Variants in ARFGEF1 observed in about 807,000 individuals in gnomAD.
The protein encoded by ARFGEF1 is brefeldin A-inhibited guanine nucleotide-exchange protein 1.
In ARFGEF1, 42 loss-of-function variants were observed where a neutral mutation model predicts 231.0. That is an observed-to-expected ratio of 0.18 (90% CI 0.14 to 0.24). The LOEUF (loss-of-function observed/expected upper bound fraction) is 0.24. Among genes scored for constraint, ARFGEF1 ranks in the 10% least tolerant of loss-of-function variants. The probability of loss-of-function intolerance (pLI) is 1.00; values close to 1 mark genes in which losing one functional copy is unlikely to be tolerated. For missense variants in ARFGEF1, 1,345 were observed against 2,192.0 expected (o/e 0.61, Z 7.72); for synonymous variants, 710 against 732.3 (o/e 0.97, Z 0.49).
At chr8:67,290,309 A>G (rs1483767124) in intron 6 of ARFGEF1, among the ~76,000 whole-genome samples, 1 of 150,622 alleles carries the variant, frequency 6.6e-6, no homozygotes, top group Non-Finnish European at 1.5e-5. Context: ...AAAATTTCCT[A>G]CCCCTAAGGT....
At chr8:67,292,530 T>G (rs900654263) in intron 5 of ARFGEF1, among the ~76,000 whole-genome samples, 1 of 152,124 alleles carries the variant, frequency 6.6e-6, no homozygotes, top group Non-Finnish European at 1.5e-5. Flanking sequence ...AACTTTTCAG[T>G]GTTTATCCTT....
chr8:67,307,022 A>G (rs11996976), intron 1 of ARFGEF1, among the ~76,000 whole-genome samples: 3,694 of 152,252 alleles, frequency 0.024, 132 homozygotes, highest in African/African-American at 0.083. Context: ...CAGGTGATCC[A>G]CCTGCCCTGG....
At chr8:67,311,430 C>T (rs1807047882) in intron 1 of ARFGEF1, among the ~76,000 whole-genome samples, 1 of 139,516 alleles carries the variant, frequency 7.2e-6, no homozygotes, top group Non-Finnish European at 1.6e-5. Flanking sequence ...GGTCAGCCCC[C>T]CGCCCGGCCA....
chr8:67,175,525 G>A (rs1291932568), exon 6 of ARFGEF1: 2 of 1,484,420 alleles, frequency 1.3e-6, no homozygotes, highest in South Asian at 1.2e-5. Context: ...TTCATTCCCA[G>A]GCATCCTCCT....
At position 67,261,607 on chromosome 8, in the gene ARFGEF1, G is replaced by A. The variant is rs61580243; in HGVS notation, c.2124-1681C>T. Among the ~76,000 whole-genome samples the A allele has an allele frequency of 6.4e-3, 969 of 152,292 alleles. 16 individuals are homozygous for A. Among genetic ancestry groups the A allele is most frequent in the African/African-American group, 0.022 (930 of 41,562 alleles). ...CCTTAGAGCTCTGATGGAGATGTGC[G>A]ATGAGATTAGTGTTGTTTTCATGCC... is the stretch of plus-strand genomic sequence containing the variant. On this transcript the variant is annotated intron_variant, in intron 14 of 38. Transcript: ENST00000262215.
intron 19 of ARFGEF1, among the ~76,000 whole-genome samples, chr8:67,244,950 A>G (rs1227592249): frequency 1.3e-5 from 2 of 150,492 alleles, no homozygotes; most frequent in African/African-American, 5.0e-5. Flanking sequence ...CACAAAGGTC[A>G]AAGATAAAGG....
intron 1 of ARFGEF1, among the ~76,000 whole-genome samples, chr8:67,321,138 T>C (rs1807569254): frequency 7.6e-6 from 1 of 130,752 alleles, no homozygotes; most frequent in African/African-American, 3.0e-5. Context: ...GTTAGGTATG[T>C]GAGAAATGGT....
chr8:67,190,476 A>G (rs879548123), intron 5 of ARFGEF1, among the ~76,000 whole-genome samples: 5 of 152,154 alleles, frequency 3.3e-5, no homozygotes, highest in Admixed American at 1.3e-4. Context: ...TAAAGTGATG[A>G]TTGTACAACT....
At position 67,228,084 on chromosome 8, in the gene ARFGEF1, GAAAGT is replaced by G; in HGVS notation, c.3465_3469del (p.Leu1155PhefsTer9). The G allele has an allele frequency of 6.2e-7, 1 of 1,609,696 alleles. No homozygotes were observed. Among genetic ancestry groups the G allele is most frequent in the East Asian group, 2.2e-5 (1 of 44,776 alleles). On this transcript the variant is annotated frameshift_variant, in exon 25 of 39. Coordinates refer to ENST00000262215, the MANE Select transcript of ARFGEF1 (RefSeq NM_006421.5). LOFTEE classifies it high-confidence loss of function. ...ACTAAACATTCTTGGGTGTGTCGTGGAAAGTAATTCATCCATAGACACAGCACAGA... is the reference window on the plus strand; with the variant it reads ...ACTAAACATTCTTGGGTGTGTCGTGGAATTCATCCATAGACACAGCACAGA...
Position 67,236,364 on chromosome 8 carries a change from AAATATATATATATATATAT to A in ARFGEF1, c.3289+1960_3289+1978del, listed in dbSNP as rs1449673981. Reference sequence around the variant, plus strand: ...AGATATTAGTTAAAAAAAAAAAAAAAAATATATATATATATATATATATATATATATATATATATATATA... The same window carrying A: ...AGATATTAGTTAAAAAAAAAAAAAAAATATATATATATATATATATATATA... On this transcript the variant is annotated intron_variant, in intron 22 of 38. Coordinates refer to ENST00000262215, the MANE Select transcript of ARFGEF1 (RefSeq NM_006421.5). Among the ~76,000 whole-genome samples the A allele has an allele frequency of 1.2e-3, 45 of 36,756 alleles. 1 individual carries two copies. The highest frequency in any genetic ancestry group is 2.3e-3 in the South Asian group (2 of 856). The allele number at this position is 36,756 out of a possible 152,430, so 24.1% of individuals were successfully genotyped here.
chr8:67,286,991 C>T (rs535319833), intron 7 of ARFGEF1, among the ~76,000 whole-genome samples: 9 of 152,282 alleles, frequency 5.9e-5, no homozygotes, highest in Admixed American at 2.0e-4. Context: ...ACCAATAGCA[C>T]CACCATCCAC....
chr8:67,308,894 CT>C (rs1396266742), intron 1 of ARFGEF1, among the ~76,000 whole-genome samples: 1 of 151,998 alleles, frequency 6.6e-6, no homozygotes, highest in African/African-American at 2.4e-5. Context: ...AACTCACATA[CT>C]TTTTTAATTG....
At chr8:67,254,399 C>T (rs1840390082) in intron 17 of ARFGEF1, among the ~76,000 whole-genome samples, 1 of 152,118 alleles carries the variant, frequency 6.6e-6, no homozygotes, top group African/African-American at 2.4e-5. Flanking sequence ...TATGATGTCT[C>T]TGAAGAGGTA....
chr8:67,263,728 C>T (rs1253311846), intron 14 of ARFGEF1, among the ~76,000 whole-genome samples: 1 of 152,110 alleles, frequency 6.6e-6, no homozygotes, highest in Admixed American at 6.5e-5. Flanking sequence ...ACATAATCCC[C>T]CTACCCCTAG....
At chr8:67,271,493 C>T (rs1301875139) in intron 10 of ARFGEF1, among the ~76,000 whole-genome samples, 2 of 152,178 alleles carry the variant, frequency 1.3e-5, no homozygotes, top group Non-Finnish European at 2.9e-5. Flanking sequence ...GTGGCTCCAT[C>T]TTATTTCATT....
chr8:67,200,305 CTG>C, intron 38 of ARFGEF1, 89 bp downstream of exon 38: 2 of 909,500 alleles, frequency 2.2e-6, no homozygotes, highest in Non-Finnish European at 1.8e-6. Flanking sequence ...TGATTCATCT[CTG>C]AGAGCTCTTG....
intron 1 of ARFGEF1, among the ~76,000 whole-genome samples, chr8:67,311,426 C>A (rs1331285961): frequency 1.2e-4 from 16 of 132,714 alleles, no homozygotes; most frequent in African/African-American, 4.6e-4. Flanking sequence ...GGGGGGTCAG[C>A]CCCCCGCCCG....
At chr8:67,229,239 T>C (rs940316175) in intron 23 of ARFGEF1, among the ~76,000 whole-genome samples, 7 of 152,086 alleles carry the variant, frequency 4.6e-5, no homozygotes, top group African/African-American at 1.7e-4. Context: ...ACAGAACTAG[T>C]AAGTGCTAGA....
At chr8:67,262,464 TAAGAGATTTAG>T (rs1281960960) in intron 14 of ARFGEF1, among the ~76,000 whole-genome samples, 1 of 152,120 alleles carries the variant, frequency 6.6e-6, no homozygotes, top group Non-Finnish European at 1.5e-5. Context: ...GGAAAGAAAA[TAAGAGATTTAG>T]AATATTCCAT....
Sources: allele counts gnomAD v4.1 joint callset (sites outside exome capture counted in the v4.1 genomes callset), GRCh38; gene constraint gnomAD v4.1.1; transcripts MANE v1.5; gene names NCBI Gene and HGNC (gene_info 2026-07-23, HGNC 2026-07-21).